HYCC1: variants seen among roughly 807,000 people sequenced by gnomAD.
HYCC1 encodes hyccin.
the HYCC1 span, chr7:22,945,204 ATCAAAATAGGAGC>A: frequency 3.6e-6 from 1 of 276,890 alleles, no homozygotes; most frequent in Non-Finnish European, 6.9e-6. Context: ...ACACACAGCC[ATCAAAATAGGAGC>A]TATTAAAAAA....
the HYCC1 span, among the ~76,000 whole-genome samples, chr7:22,971,760 G>A: frequency 6.6e-6 from 1 of 151,526 alleles, no homozygotes; most frequent in East Asian, 1.9e-4. Flanking sequence ...AAGGAGAAAA[G>A]AGAAAGTGGA....
At chr7:22,916,007 G>A in the HYCC1 span, among the ~76,000 whole-genome samples, 1 of 151,998 alleles carries the variant, frequency 6.6e-6, no homozygotes, top group East Asian at 1.9e-4. Flanking sequence ...CACAAGTATG[G>A]GACACTTTTA....
chr7:23,001,582 G>A, the HYCC1 span, among the ~76,000 whole-genome samples: 2 of 152,150 alleles, frequency 1.3e-5, no homozygotes, highest in Non-Finnish European at 2.9e-5. Context: ...TGGCAGCCAG[G>A]TTGAGAACTA....
At chr7:23,005,114 A>G in the HYCC1 span, among the ~76,000 whole-genome samples, 1 of 152,282 alleles carries the variant, frequency 6.6e-6, no homozygotes, top group East Asian at 1.9e-4. Flanking sequence ...CTCTTCTACT[A>G]CTTTCTACAA....
chr7:23,007,574 A>T, the HYCC1 span, among the ~76,000 whole-genome samples: 2 of 152,182 alleles, frequency 1.3e-5, no homozygotes, highest in African/African-American at 2.4e-5. Flanking sequence ...ATTAATTGCC[A>T]GAGCACATGC....
At chr7:22,989,296 A>G in the HYCC1 span, among the ~76,000 whole-genome samples, 5 of 31,742 alleles carry the variant, frequency 1.6e-4, no homozygotes, top group Non-Finnish European at 1.9e-4. Context: ...ACACACACAC[A>G]CACACACACA....
At chr7:22,898,727 C>G in the HYCC1 span, among the ~76,000 whole-genome samples, 3 of 151,400 alleles carry the variant, frequency 2.0e-5, no homozygotes, top group African/African-American at 7.3e-5. Flanking sequence ...CTCAGCTTCC[C>G]AAGTAGCTGG....
chr7:23,005,070 G>A, the HYCC1 span, among the ~76,000 whole-genome samples: 2 of 152,212 alleles, frequency 1.3e-5, no homozygotes, highest in African/African-American at 4.8e-5. Context: ...CTCCCAAAGT[G>A]CTGGGATTAA....
At chr7:22,961,305 T>C in the HYCC1 span, 1 of 1,586,072 alleles carries the variant, frequency 6.3e-7, no homozygotes, top group Non-Finnish European at 8.6e-7. Flanking sequence ...TTGAGCTAGA[T>C]CCCATTCTCC....
chr7:22,898,582 T>A, the HYCC1 span, among the ~76,000 whole-genome samples: 1 of 56,118 alleles, frequency 1.8e-5, no homozygotes, highest in Non-Finnish European at 3.9e-5. Context: ...AATATTTCTT[T>A]TCTTTTCTTT....
At chr7:22,978,483 G>T in the HYCC1 span, 1 of 1,532,558 alleles carries the variant, frequency 6.5e-7, no homozygotes, top group Non-Finnish European at 9.0e-7. Context: ...TCAAGAACTG[G>T]ACTGTATTTG....
At chr7:22,972,887 G>A in the HYCC1 span, among the ~76,000 whole-genome samples, 3 of 152,170 alleles carry the variant, frequency 2.0e-5, no homozygotes, top group Non-Finnish European at 4.4e-5. Flanking sequence ...TAGGTGGAGG[G>A]TGGGAAGTGT....
At chr7:22,996,597 T>A in the HYCC1 span, among the ~76,000 whole-genome samples, 1 of 106,552 alleles carries the variant, frequency 9.4e-6, no homozygotes, top group Non-Finnish European at 1.8e-5. Context: ...GTACAATTGT[T>A]AAAAAAAAAA....
chr7:22,952,804 T>A, the HYCC1 span, among the ~76,000 whole-genome samples: 2 of 151,810 alleles, frequency 1.3e-5, no homozygotes, highest in African/African-American at 4.8e-5. Flanking sequence ...AACAAAGCTA[T>A]CACAGAAACA....
chr7:22,925,230 GA>G, the HYCC1 span, among the ~76,000 whole-genome samples: 4 of 152,226 alleles, frequency 2.6e-5, no homozygotes, highest in African/African-American at 9.6e-5. Context: ...CAAAGATGGG[GA>G]AAAAACAGAG....
the HYCC1 span, among the ~76,000 whole-genome samples, chr7:22,922,804 G>T: frequency 5.3e-5 from 8 of 152,026 alleles, no homozygotes; most frequent in African/African-American, 1.9e-4. Flanking sequence ...AAACAAAAAA[G>T]CACTAGAAAT....
the HYCC1 span, chr7:22,945,476 A>T: frequency 1.2e-6 from 1 of 801,034 alleles, no homozygotes; most frequent in Non-Finnish European, 2.2e-6. Flanking sequence ...TTCAGAATTT[A>T]AGACATCAGG....
chr7:22,946,729 A>G, the HYCC1 span, among the ~76,000 whole-genome samples: 1 of 152,158 alleles, frequency 6.6e-6, no homozygotes, highest in Non-Finnish European at 1.5e-5. Flanking sequence ...GTAATTTTAG[A>G]ACTCCAAACA....
the HYCC1 span, among the ~76,000 whole-genome samples, chr7:22,992,554 G>T: frequency 5.3e-5 from 8 of 152,046 alleles, no homozygotes; most frequent in African/African-American, 1.9e-4. Context: ...TTCAGTACTA[G>T]GAAAATCTCT....
Sources: allele counts gnomAD v4.1 joint callset (sites outside exome capture counted in the v4.1 genomes callset), GRCh38; gene constraint gnomAD v4.1.1; transcripts MANE v1.5; gene names NCBI Gene and HGNC (gene_info 2026-07-23, HGNC 2026-07-21).